The following UMAD1 variants were observed in gnomAD, a reference collection of about 807,000 sequenced individuals.
UMAD1 encodes the protein UBAP1-MVB12-associated (UMA) domain containing 1, also known as UBAP1-MVB12-associated (UMA)-domain containing protein 1.
Under a neutral mutation model 6.1 loss-of-function variants are expected in UMAD1, and 8 were observed. The ratio of observed to expected loss-of-function variants is 1.30; its 90% CI spans 0.76 to 2.35. The LOEUF is 2.35. Among genes scored for constraint, UMAD1 ranks in the 30% most tolerant of loss-of-function variants. The probability of loss-of-function intolerance (pLI) is 0.00; values close to 1 mark genes in which losing one functional copy is unlikely to be tolerated. For synonymous variants in UMAD1, 56 were observed against 31.4 expected, an observed-to-expected ratio of 1.78 and a Z score of -2.61; for missense variants, 130 against 78.4, an observed-to-expected ratio of 1.66 and a Z score of -2.49.
chr7:7,671,685 TC>T (rs1446892015), intron 1 of UMAD1, among the ~76,000 whole-genome samples: 7 of 152,170 alleles, frequency 4.6e-5, no homozygotes, highest in Admixed American at 4.6e-4. Context: ...TTACTTTTTT[TC>T]ATTTGATTCC....
chr7:7,649,697 C>CT (rs1785180563), intron 1 of UMAD1, among the ~76,000 whole-genome samples: 1 of 151,204 alleles, frequency 6.6e-6, no homozygotes. Context: ...TGGGGGGGCC[C>CT]ACCCTACAAA....
intron 1 of UMAD1, among the ~76,000 whole-genome samples, chr7:7,652,381 T>C (rs77983288): frequency 3.3e-5 from 5 of 152,208 alleles, no homozygotes; most frequent in African/African-American, 9.6e-5. Context: ...TTATTACCAA[T>C]TTTTTTAGTG....
intron 3 of UMAD1, among the ~76,000 whole-genome samples, chr7:7,813,329 C>A (rs772282387): frequency 3.6e-4 from 55 of 152,090 alleles, no homozygotes; most frequent in Admixed American, 1.4e-3. Context: ...CTCAACCTCC[C>A]AAGTAGCTGG....
chr7:7,649,315 TGTAAG>T (rs1241080377), intron 1 of UMAD1, among the ~76,000 whole-genome samples: 1 of 151,936 alleles, frequency 6.6e-6, no homozygotes, highest in Non-Finnish European at 1.5e-5. Context: ...ATGAGAGAAA[TGTAAG>T]GGAAGGGGAC....
intron 2 of UMAD1, among the ~76,000 whole-genome samples, chr7:7,730,456 T>C (rs1781225735): frequency 2.0e-5 from 3 of 151,970 alleles, no homozygotes; most frequent in Non-Finnish European, 4.4e-5. Flanking sequence ...TTTTAAGCAA[T>C]TGATCTTGTC....
intron 3 of UMAD1, among the ~76,000 whole-genome samples, chr7:7,818,598 A>T (rs1411933409): frequency 6.6e-6 from 1 of 151,770 alleles, no homozygotes; most frequent in Non-Finnish European, 1.5e-5. Flanking sequence ...ATTGTGAAAG[A>T]CAGTGGTGAT....
chr7:7,791,176 C>T (rs1412853090), intron 2 of UMAD1, among the ~76,000 whole-genome samples: 2 of 152,380 alleles, frequency 1.3e-5, no homozygotes, highest in East Asian at 3.9e-4. Context: ...GCAAGAGTCA[C>T]TGTGCCCAGC....
chr7:7,805,642 C>T (rs4725031), intron 3 of UMAD1, among the ~76,000 whole-genome samples: 10,098 of 152,086 alleles, frequency 0.066, 756 homozygotes, highest in African/African-American at 0.18. Flanking sequence ...ACAAGGAACT[C>T]CATACTCTCT....
intron 2 of UMAD1, among the ~76,000 whole-genome samples, chr7:7,789,746 A>G (rs1335501960): frequency 2.6e-5 from 4 of 152,232 alleles, no homozygotes; most frequent in Non-Finnish European, 5.9e-5. Flanking sequence ...TTACTTAGCA[A>G]TGTCTTCAAG....
chr7:7,727,537 C>T (rs1781164986), intron 2 of UMAD1, among the ~76,000 whole-genome samples: 1 of 152,132 alleles, frequency 6.6e-6, no homozygotes, highest in African/African-American at 2.4e-5. Context: ...TGGATTGAAG[C>T]ATGCAGAGTA....
intron 2 of UMAD1, among the ~76,000 whole-genome samples, chr7:7,780,299 C>G (rs373981005): frequency 3.9e-5 from 6 of 152,208 alleles, no homozygotes; most frequent in East Asian, 3.9e-4. Context: ...GCTGGCTCCT[C>G]TGTCCCTCCC....
intron 2 of UMAD1, among the ~76,000 whole-genome samples, chr7:7,755,292 C>G (rs1279495902): frequency 6.6e-6 from 1 of 152,200 alleles, no homozygotes; most frequent in Non-Finnish European, 1.5e-5. Context: ...TTTAAAGACA[C>G]CCCATTTTTC....
At chr7:7,643,669 G>A (rs916533608) in intron 1 of UMAD1, among the ~76,000 whole-genome samples, 1 of 148,474 alleles carries the variant, frequency 6.7e-6, no homozygotes, top group Admixed American at 6.8e-5. Flanking sequence ...CCGAGATCGC[G>A]CCACTTCACT....
At chr7:7,828,956 A>G (rs1036471636) in intron 3 of UMAD1, among the ~76,000 whole-genome samples, 13 of 152,210 alleles carry the variant, frequency 8.5e-5, no homozygotes, top group Admixed American at 1.3e-4. Flanking sequence ...AGGTAGATAA[A>G]AATCAGTGGT....
intron 2 of UMAD1, among the ~76,000 whole-genome samples, chr7:7,758,139 G>A (rs1477644176): frequency 1.3e-5 from 2 of 151,984 alleles, no homozygotes; most frequent in Admixed American, 6.6e-5. Flanking sequence ...TGAACTCCTG[G>A]GCTCAAGCAG....
chr7:7,751,476 G>A (rs1308009287), intron 2 of UMAD1, among the ~76,000 whole-genome samples: 1 of 152,172 alleles, frequency 6.6e-6, no homozygotes, highest in Non-Finnish European at 1.5e-5. Context: ...TGGCAGAAAT[G>A]AGGAATGTAA....
intron 2 of UMAD1, among the ~76,000 whole-genome samples, chr7:7,779,711 C>A (rs1782305807): frequency 6.6e-6 from 1 of 152,128 alleles, no homozygotes; most frequent in Non-Finnish European, 1.5e-5. Context: ...GTGGCACAAT[C>A]TCAGCTCACT....
chr7:7,649,175 A>AAG (rs1554308883), intron 1 of UMAD1, among the ~76,000 whole-genome samples: 27,253 of 103,062 alleles, frequency 0.26, 3,257 homozygotes, highest in East Asian at 0.64. Context: ...AAAAAAAAAA[A>AAG]AAAAGAAAAG....
In UMAD1 at chr7:7,644,421, T is replaced by C. The variant is rs17545733; in HGVS notation, c.-64+3600T>C. Among the ~76,000 whole-genome samples, 630 of 152,142 alleles carry C rather than the reference T, an allele frequency of 4.1e-3. 2 individuals are homozygous for C. The highest frequency in any genetic ancestry group is 6.9e-3 in the Non-Finnish European group (470 of 68,008). Reference sequence around the variant, plus strand: ...AACATTTTCCCCCTTAAGTTTAATGTAGGAGAAAAGTCCATTAAAATCTCA... The same window carrying C: ...AACATTTTCCCCCTTAAGTTTAATGCAGGAGAAAAGTCCATTAAAATCTCA... On this transcript the variant is annotated intron_variant, in intron 1 of 3. Coordinates refer to ENST00000682710, the MANE Select transcript of UMAD1 (RefSeq NM_001302348.2).
Sources: gnomAD v4.1 joint callset for allele counts (sites outside exome capture counted in the v4.1 genomes callset) on GRCh38, gnomAD v4.1.1 for gene constraint, MANE v1.5 for transcripts, NCBI Gene and HGNC (gene_info 2026-07-23, HGNC 2026-07-21) for gene names.